The following SLA variants were observed in gnomAD, a reference collection of about 807,000 sequenced individuals.
SLA encodes Src like adaptor.
In SLA, 16 loss-of-function variants were observed where a neutral mutation model predicts 30.3. The ratio of observed to expected loss-of-function variants is 0.53; its 90% CI spans 0.36 to 0.80. SLA has a LOEUF of 0.80. Ranked by LOEUF, SLA falls within the 30% of genes least tolerant of loss-of-function variation. The probability of loss-of-function intolerance (pLI) is 0.01; values close to 1 mark genes in which losing one functional copy is unlikely to be tolerated. For missense variants in SLA, 310 were observed against 345.2 expected (o/e 0.90, Z 0.81); for synonymous variants, 143 against 137.8 (o/e 1.04, Z -0.26).
chr8:133,041,236 G>C (rs1838169361), intron 7 of SLA, among the ~76,000 whole-genome samples: 1 of 152,198 alleles, frequency 6.6e-6, no homozygotes, highest in Admixed American at 6.5e-5. Flanking sequence ...CCAGGTTTTC[G>C]ACAGCACGTC....
Position 133,060,143 on chromosome 8 carries a change from T to C in SLA, c.18A>G (p.Lys6=). The C allele has an allele frequency of 1.2e-6, 2 of 1,612,536 alleles. No individual in the cohort carries two copies. Among genetic ancestry groups the C allele is most frequent in the Non-Finnish European group, 1.7e-6 (2 of 1,179,486 alleles). The change falls in exon 3 of 9, where the codon AAA becomes AAG. Residue 6 remains lysine (K), a synonymous_variant. Coordinates refer to ENST00000338087, the MANE Select transcript of SLA (RefSeq NM_001045556.3). The stretch of plus-strand genomic sequence containing the variant: ...GCCTCTCGGCAGGCGCAGGGGTGGA[T>C]TTCATGCTGTTTCCCATTTCTTTCT... The part of the protein sequence containing the change: MGNSM[K]STPAPAERPL...
At chr8:133,079,416 A>G (rs922298296) in intron 1 of SLA, among the ~76,000 whole-genome samples, 1 of 152,206 alleles carries the variant, frequency 6.6e-6, no homozygotes, top group Non-Finnish European at 1.5e-5. Flanking sequence ...ATGTTCCCCT[A>G]TGTAAAAACT....
At chr8:133,071,242 A>G (rs2741209) in intron 2 of SLA, among the ~76,000 whole-genome samples, 128,855 of 152,218 alleles carry the variant, frequency 0.85, 55,026 homozygotes, top group African/African-American at 0.96. Flanking sequence ...TGGAGTATGC[A>G]TCATTACGCT....
At chr8:133,068,099 C>G (rs560308715) in intron 2 of SLA, among the ~76,000 whole-genome samples, 1 of 152,286 alleles carries the variant, frequency 6.6e-6, no homozygotes, top group East Asian at 1.9e-4. Flanking sequence ...CATCATAAAG[C>G]ATCACTTGAA....
chr8:133,068,778 A>G (rs534130748), intron 2 of SLA, among the ~76,000 whole-genome samples: 16 of 152,266 alleles, frequency 1.1e-4, no homozygotes, highest in Non-Finnish European at 1.8e-4. Flanking sequence ...GTTCATGGAA[A>G]TAAAAAGAGC....
chr8:133,065,125 C>A (rs1025043266), intron 2 of SLA, among the ~76,000 whole-genome samples: 3 of 152,156 alleles, frequency 2.0e-5, no homozygotes, highest in African/African-American at 7.2e-5. Flanking sequence ...AGTGGAGAAG[C>A]CTCAATGTCC....
intron 1 of SLA, among the ~76,000 whole-genome samples, chr8:133,079,102 G>C (rs1845351582): frequency 6.6e-6 from 1 of 152,126 alleles, no homozygotes. Context: ...AAGAAGCAAA[G>C]ACAAAAACAC....
chr8:133,048,044 C>G, intron 5 of SLA, 111 bp from the exon 6 acceptor site: 1 of 622,004 alleles, frequency 1.6e-6, no homozygotes, highest in South Asian at 1.9e-5. Context: ...TCACCTCAAC[C>G]CACTGAGACA....
intron 2 of SLA, among the ~76,000 whole-genome samples, chr8:133,073,657 G>A (rs141097442): frequency 6.6e-6 from 1 of 152,298 alleles, no homozygotes; most frequent in Non-Finnish European, 1.5e-5. Context: ...TTGCAGCTCA[G>A]CATCTCATAG....
At chr8:133,081,973 G>C (rs1845823333) in intron 1 of SLA, among the ~76,000 whole-genome samples, 1 of 152,240 alleles carries the variant, frequency 6.6e-6, no homozygotes, top group African/African-American at 2.4e-5. Context: ...AAAGAGGGCT[G>C]TAGCCAGGAA....
chr8:133,066,120 G>A (rs1009942329), intron 2 of SLA, among the ~76,000 whole-genome samples: 8 of 151,996 alleles, frequency 5.3e-5, no homozygotes, highest in African/African-American at 1.2e-4. Context: ...TGAGGAGATC[G>A]AGACCATCCT....
At chr8:133,073,656 A>G (rs1844415117) in intron 2 of SLA, among the ~76,000 whole-genome samples, 1 of 152,242 alleles carries the variant, frequency 6.6e-6, no homozygotes, top group South Asian at 2.1e-4. Flanking sequence ...CTTGCAGCTC[A>G]GCATCTCATA....
rs779537816 is a variant in SLA, at chr8:133,045,072, G to A, written c.396C>T (p.Tyr132=). 2 of 1,614,162 alleles carry A rather than the reference G, an allele frequency of 1.2e-6. No homozygotes were observed. The highest frequency in any genetic ancestry group is 1.7e-6 in the Non-Finnish European group (2 of 1,180,012). ...LSVRHRQVKH[Y]RIFRLPNNWY... is the part of the protein sequence containing the mutation. ...AGTTGTTGGGCAGACGGAAAATGCG[G>A]TAATGCTTTACCTGCCTGTGTCTCA... Residue 132 remains tyrosine, a synonymous_variant, in exon 7 of 9, where the codon TAC becomes TAT. Transcript: ENST00000338087.
At chr8:133,073,672 C>A (rs965112753) in intron 2 of SLA, among the ~76,000 whole-genome samples, 59 of 152,284 alleles carry the variant, frequency 3.9e-4, no homozygotes, top group Middle Eastern at 3.4e-3. Context: ...TCATAGCAAA[C>A]CACACAATGA....
chr8:133,087,439 G>T (rs543435679), intron 1 of SLA, among the ~76,000 whole-genome samples: 3 of 152,060 alleles, frequency 2.0e-5, no homozygotes, highest in African/African-American at 7.2e-5. Context: ...CCTCCCTCGG[G>T]GTGTGAGGGG....
At chr8:133,072,584 C>T (rs1461269607) in intron 2 of SLA, among the ~76,000 whole-genome samples, 1 of 152,206 alleles carries the variant, frequency 6.6e-6, no homozygotes, top group Non-Finnish European at 1.5e-5. Context: ...GTTTCAGCCT[C>T]TCTCAGAGCT....
chr8:133,038,635 G>T lies in SLA; in HGVS notation c.720C>A (p.Thr240=). ...GATCAAAGGAGGTGTTGTCCTCACT[G>T]GTCAGGGACAGGTAAGAGGCAATGC... ...RESIASYLSL[T]SEDNTSFDRK... The change falls in exon 9 of 9, where the codon ACC becomes ACA. Residue 240 remains threonine, a synonymous_variant. Transcript: ENST00000338087. 1 of 1,613,722 alleles carries T rather than the reference G, an allele frequency of 6.2e-7. No homozygotes were observed. Among genetic ancestry groups the T allele is most frequent in the South Asian group, 1.1e-5 (1 of 91,080 alleles).
chr8:133,080,636 T>C (rs1174896822), intron 1 of SLA, among the ~76,000 whole-genome samples: 2 of 152,172 alleles, frequency 1.3e-5, no homozygotes, highest in Admixed American at 6.5e-5. Context: ...TTTCCTGGCA[T>C]TCAAAGCTCA....
chr8:133,091,347 A>C (rs1847488909), intron 1 of SLA, among the ~76,000 whole-genome samples: 1 of 152,158 alleles, frequency 6.6e-6, no homozygotes, highest in African/African-American at 2.4e-5. Flanking sequence ...CCAGGGTGGG[A>C]CTGAGAAGTG....
Sources: gnomAD v4.1 joint callset for allele counts (sites outside exome capture counted in the v4.1 genomes callset) on GRCh38, gnomAD v4.1.1 for gene constraint, MANE v1.5 for transcripts, NCBI Gene and HGNC (gene_info 2026-07-23, HGNC 2026-07-21) for gene names.